Variants in B3GALT1 observed in about 807,000 individuals in gnomAD.
B3GALT1 encodes the protein beta-1,3-galactosyltransferase 1.
A neutral mutation model predicts 23.2 loss-of-function variants in B3GALT1; 10 were observed. The ratio of observed to expected loss-of-function variants is 0.43; its 90% CI spans 0.27 to 0.73. The LOEUF is 0.73. B3GALT1 is among the 30% of genes least tolerant of loss of function. The pLI is 0.21. For missense variants in B3GALT1, 299 were observed against 405.4 expected (o/e 0.74, Z 2.25); for synonymous variants, 156 against 141.5 (o/e 1.10, Z -0.73).
At chr2:167,544,109 G>A (rs561679711) in intron 2 of B3GALT1, among the ~76,000 whole-genome samples, 8 of 152,220 alleles carry the variant, frequency 5.3e-5, no homozygotes, top group South Asian at 2.1e-4. Flanking sequence ...GAATACATGC[G>A]TCCCCCAGAA....
intron 3 of B3GALT1, among the ~76,000 whole-genome samples, chr2:167,736,853 G>C (rs1326320564): frequency 6.6e-6 from 1 of 152,166 alleles, no homozygotes; most frequent in Non-Finnish European, 1.5e-5. Flanking sequence ...AGAATCACTT[G>C]AACCTGGGAG....
chr2:167,663,520 C>T (rs1686111472), intron 3 of B3GALT1, among the ~76,000 whole-genome samples: 1 of 151,866 alleles, frequency 6.6e-6, no homozygotes, highest in African/African-American at 2.4e-5. Context: ...GTTCTAGATC[C>T]CTGAGGAATC....
intron 3 of B3GALT1, among the ~76,000 whole-genome samples, chr2:167,652,231 A>T (rs1368793894): frequency 1.3e-5 from 2 of 152,164 alleles, no homozygotes; most frequent in Non-Finnish European, 2.9e-5. Context: ...CTCACAACAG[A>T]CATCCTGGGA....
At chr2:167,703,980 G>T (rs1395167333) in intron 3 of B3GALT1, among the ~76,000 whole-genome samples, 4 of 151,974 alleles carry the variant, frequency 2.6e-5, no homozygotes, top group African/African-American at 9.7e-5. Context: ...AGGAGATCAA[G>T]ACCTTCCTGG....
chr2:167,334,523 C>T (rs1408362873), intron 1 of B3GALT1, among the ~76,000 whole-genome samples: 1 of 152,100 alleles, frequency 6.6e-6, no homozygotes, highest in Non-Finnish European at 1.5e-5. Context: ...TGTTTTGGGC[C>T]ATATAAATGT....
At chr2:167,661,086 G>C (rs1686052971) in intron 3 of B3GALT1, among the ~76,000 whole-genome samples, 2 of 152,122 alleles carry the variant, frequency 1.3e-5, no homozygotes, top group Non-Finnish European at 2.9e-5. Context: ...GTGCAACGGA[G>C]CTTAAATCCT....
At chr2:167,465,731 C>T (rs1699334041) in intron 1 of B3GALT1, among the ~76,000 whole-genome samples, 1 of 151,052 alleles carries the variant, frequency 6.6e-6, no homozygotes, top group Non-Finnish European at 1.5e-5. Context: ...CGCCAAGAAG[C>T]AAATATACGT....
chr2:167,570,541 A>G (rs1240242085), intron 2 of B3GALT1, among the ~76,000 whole-genome samples: 1 of 151,960 alleles, frequency 6.6e-6, no homozygotes, highest in Non-Finnish European at 1.5e-5. Context: ...TGGGTAATGA[A>G]AAAAGTGTTA....
Position 167,674,623 on chromosome 2 carries a change from A to G in B3GALT1, c.-352+27657A>G, listed in dbSNP as rs79329343. On this transcript the variant is annotated intron_variant, in intron 3 of 4. Transcript: ENST00000392690. Reference sequence around the variant, plus strand: ...AGACCCAGGTATCTCAAAGGAGCCTATTACATCCTGTTTTGGACATATGTA... The same window carrying G: ...AGACCCAGGTATCTCAAAGGAGCCTGTTACATCCTGTTTTGGACATATGTA... Among the ~76,000 whole-genome samples, 331 of 152,328 alleles carry G rather than the reference A, an allele frequency of 2.2e-3. 9 individuals are homozygous for G. The East Asian group carries it at 0.053, about 24-fold the overall frequency.
At chr2:167,484,680 C>T (rs1699600574) in intron 1 of B3GALT1, among the ~76,000 whole-genome samples, 1 of 152,034 alleles carries the variant, frequency 6.6e-6, no homozygotes, top group African/African-American at 2.4e-5. Context: ...GATGAAGTCT[C>T]ATAAGTGGCT....
At chr2:167,691,306 A>G (rs1249171726) in intron 3 of B3GALT1, among the ~76,000 whole-genome samples, 2 of 152,076 alleles carry the variant, frequency 1.3e-5, no homozygotes, top group Non-Finnish European at 2.9e-5. Context: ...AGTCCTTCCC[A>G]TGTGGAATGG....
chr2:167,670,221 C>G (rs946919648), intron 3 of B3GALT1, among the ~76,000 whole-genome samples: 1 of 152,182 alleles, frequency 6.6e-6, no homozygotes, highest in Non-Finnish European at 1.5e-5. Flanking sequence ...TGGAACACTT[C>G]AGAGCACTAC....
chr2:167,361,220 T>G (rs1697494938), intron 1 of B3GALT1, among the ~76,000 whole-genome samples: 2 of 150,628 alleles, frequency 1.3e-5, no homozygotes, highest in African/African-American at 4.9e-5. Context: ...TAGTTTTTTT[T>G]TTTTTTTTTT....
chr2:167,482,324 T>G (rs1699572413), intron 1 of B3GALT1, among the ~76,000 whole-genome samples: 1 of 152,238 alleles, frequency 6.6e-6, no homozygotes, highest in Non-Finnish European at 1.5e-5. Context: ...CAAAAACATT[T>G]ATTTTGAGCT....
At chr2:167,863,364 CCTCA>C (rs1690143272) in intron 4 of B3GALT1, among the ~76,000 whole-genome samples, 1 of 152,132 alleles carries the variant, frequency 6.6e-6, no homozygotes, top group Admixed American at 6.5e-5. Flanking sequence ...GACATAATCC[CCTCA>C]CTCACAATAG....
At chr2:167,785,533 G>A (rs1351952973) in intron 3 of B3GALT1, among the ~76,000 whole-genome samples, 1 of 152,192 alleles carries the variant, frequency 6.6e-6, no homozygotes, top group Non-Finnish European at 1.5e-5. Flanking sequence ...AAGAGGCCAT[G>A]TGAATTCTGA....
intron 1 of B3GALT1, among the ~76,000 whole-genome samples, chr2:167,428,000 T>C (rs552756656): frequency 6.6e-6 from 1 of 152,116 alleles, no homozygotes; most frequent in African/African-American, 2.4e-5. Context: ...CCTAATGCAA[T>C]AAAGTGCAGA....
At chr2:167,670,042 T>C (rs1013925710) in intron 3 of B3GALT1, among the ~76,000 whole-genome samples, 5 of 152,210 alleles carry the variant, frequency 3.3e-5, no homozygotes, top group African/African-American at 1.2e-4. Context: ...ATACATCACC[T>C]GCAGACTCCC....
intron 1 of B3GALT1, among the ~76,000 whole-genome samples, chr2:167,342,719 T>G (rs1304644731): frequency 6.6e-6 from 1 of 152,202 alleles, no homozygotes; most frequent in Non-Finnish European, 1.5e-5. Context: ...ATTCCTTTTC[T>G]GCATTTTTTT....
Sources: gnomAD v4.1 joint callset for allele counts (sites outside exome capture counted in the v4.1 genomes callset) on GRCh38, gnomAD v4.1.1 for gene constraint, MANE v1.5 for transcripts, NCBI Gene and HGNC (gene_info 2026-07-23, HGNC 2026-07-21) for gene names.